Variants in PRTG observed in about 807,000 individuals in gnomAD.
PRTG encodes the protein protogenin, also known as immunoglobulin superfamily, DCC subclass, member 5.
PRTG carries 67 observed loss-of-function variants against 122.5 expected under a neutral mutation model. That is an observed-to-expected ratio of 0.55 (90% CI 0.45 to 0.67). PRTG has a LOEUF of 0.67. Ranked by LOEUF, PRTG falls within the 30% of genes least tolerant of loss-of-function variation. The pLI, the probability that PRTG is intolerant of heterozygous loss-of-function variation, is 0.00. For synonymous variants in PRTG, 554 were observed against 501.1 expected (o/e 1.11, Z -1.41); for missense variants, 1,435 against 1,415.4 (o/e 1.01, Z -0.22).
intron 11 of PRTG, among the ~76,000 whole-genome samples, chr15:55,648,076 T>C (rs975677946): frequency 2.6e-5 from 4 of 152,242 alleles, no homozygotes; most frequent in African/African-American, 9.6e-5. Flanking sequence ...ATCTCTCATC[T>C]GCCAACAAAG....
rs773035192 is a variant in PRTG, at chr15:55,639,817, G to T, written c.2149C>A (p.Arg717Ser). 7 of 1,613,864 alleles carry T rather than the reference G, an allele frequency of 4.3e-6. No individual in the cohort carries two copies. The East Asian group carries it at 1.6e-4, about 36-fold the overall frequency. ...GGTGGTGGTGGAGGAGGGACCATGC[G>T]ATCACGAACAGCTATTGAGAAAAAC... ...STPGCVSVRD[R>S]MVPPPPPPHH... Residue 717 changes from arginine to serine, a missense_variant, in exon 13 of 20, where the codon CGC becomes AGC. By Grantham distance (110) the Arg-to-Ser change is moderately radical. Transcript: ENST00000389286.
intron 6 of PRTG, 96 bp downstream of exon 6, chr15:55,679,958 G>A: frequency 2.2e-6 from 2 of 910,886 alleles, no homozygotes; most frequent in Non-Finnish European, 1.7e-6. Flanking sequence ...TCATATCAAT[G>A]CTACAAAGCT....
At chr15:55,659,905 A>G (rs1238162054) in intron 11 of PRTG, among the ~76,000 whole-genome samples, 10 of 148,414 alleles carry the variant, frequency 6.7e-5, no homozygotes, top group Non-Finnish European at 1.3e-4. Context: ...GGCAACAGAG[A>G]CAGACTTCAA....
chr15:55,677,248 G>A (rs2059507711), intron 8 of PRTG, among the ~76,000 whole-genome samples: 1 of 152,152 alleles, frequency 6.6e-6, no homozygotes, highest in Non-Finnish European at 1.5e-5. Context: ...TTTATATGAT[G>A]AGATAGCAGT....
intron 15 of PRTG, among the ~76,000 whole-genome samples, chr15:55,632,129 ACTTAATCAGCCTCTG>A (rs1195386470): frequency 2.0e-5 from 3 of 152,112 alleles, no homozygotes; most frequent in Admixed American, 6.5e-5. Context: ...TCTCCCATAA[ACTTAATCAGCCTCTG>A]CTTAATCAGC....
At chr15:55,656,162 A>C (rs985608861) in intron 11 of PRTG, 1 of 277,612 alleles carries the variant, frequency 3.6e-6, no homozygotes, top group Non-Finnish European at 7.1e-6. Context: ...AATTTCCAAA[A>C]TTGTCCAATA....
chr15:55,742,903 C>G lies in PRTG; in HGVS notation c.29G>C (p.Arg10Pro). 1 of 1,529,398 alleles carries G rather than the reference C, an allele frequency of 6.5e-7. No homozygotes were observed. The highest frequency in any genetic ancestry group is 1.2e-5 in the South Asian group (1 of 82,994). 94.7% of individuals were successfully genotyped at this position (1,529,398 alleles called of 1,614,324 possible). Reference sequence around the variant, plus strand: ...GAGCAGCATCCCCGGCGGTCGCAGCCGGGCGAGGGGTCGCAGAGGAGGCGC... The same window carrying G: ...GAGCAGCATCCCCGGCGGTCGCAGCGGGGCGAGGGGTCGCAGAGGAGGCGC... MAPPLRPLA[R>P]LRPPGMLLRA... Residue 10 changes from arginine (R) to proline (P), a missense_variant, in exon 1 of 20, where the codon CGG becomes CCG. Coordinates refer to ENST00000389286, the MANE Select transcript of PRTG (RefSeq NM_173814.6).
At chr15:55,620,587 T>C in intron 19 of PRTG, 76 bp downstream of exon 19, 1 of 1,511,472 alleles carries the variant, frequency 6.6e-7, no homozygotes, top group Non-Finnish European at 8.8e-7. Context: ...AAGCATGAAT[T>C]CACATTTTCC....
At chr15:55,639,348 T>A (rs2059276538) in intron 13 of PRTG, among the ~76,000 whole-genome samples, 1 of 152,194 alleles carries the variant, frequency 6.6e-6, no homozygotes, top group African/African-American at 2.4e-5. Context: ...CTCCTTTCTT[T>A]CTTTAAACAT....
At chr15:55,652,832 G>A (rs916830009) in intron 11 of PRTG, among the ~76,000 whole-genome samples, 1 of 151,970 alleles carries the variant, frequency 6.6e-6, no homozygotes, top group African/African-American at 2.4e-5. Context: ...ACCGAGATGA[G>A]GGGAGCAGAT....
intron 2 of PRTG, among the ~76,000 whole-genome samples, chr15:55,693,458 G>C (rs1252885787): frequency 1.6e-5 from 2 of 126,624 alleles, no homozygotes; most frequent in African/African-American, 5.9e-5. Context: ...CTCCGTCTCA[G>C]AAAAAAAAAA....
chr15:55,684,648 C>CA (rs930469058), intron 2 of PRTG, among the ~76,000 whole-genome samples: 3 of 152,098 alleles, frequency 2.0e-5, no homozygotes, highest in Admixed American at 2.0e-4. Context: ...AAAGGAGTCT[C>CA]AAGTCAAAAG....
At chr15:55,710,431 TC>T (rs1555435616) in intron 2 of PRTG, among the ~76,000 whole-genome samples, 1 of 152,140 alleles carries the variant, frequency 6.6e-6, no homozygotes, top group Admixed American at 6.5e-5. Context: ...AGCACTTTCT[TC>T]CCCCCAGGGA....
intron 2 of PRTG, among the ~76,000 whole-genome samples, chr15:55,725,551 G>C (rs542225910): frequency 6.6e-6 from 1 of 151,588 alleles, no homozygotes; most frequent in Non-Finnish European, 1.5e-5. Flanking sequence ...AGCCGTGATC[G>C]TGCTACTGCC....
intron 2 of PRTG, among the ~76,000 whole-genome samples, chr15:55,696,038 G>A (rs1048451270): frequency 6.6e-6 from 1 of 152,150 alleles, no homozygotes; most frequent in African/African-American, 2.4e-5. Context: ...GCTTTTGGGG[G>A]CCAAGGTGGG....
intron 2 of PRTG, among the ~76,000 whole-genome samples, chr15:55,689,901 G>A (rs948804252): frequency 6.0e-5 from 9 of 150,956 alleles, no homozygotes; most frequent in South Asian, 2.1e-4. Context: ...ACACTCCAGC[G>A]TGGGTGACAG....
chr15:55,612,502 G>A lies in PRTG; in HGVS notation c.*7510C>T, dbSNP rs1286263206. 3 of 151,330 alleles carry A rather than the reference G, an allele frequency of 2.0e-5. No homozygotes were observed. Among genetic ancestry groups the A allele is most frequent in the Admixed American group, 6.6e-5 (1 of 15,206 alleles). The allele number at this position is 151,330 out of a possible 1,614,324, so 9.4% of individuals were successfully genotyped here. A position where few individuals can be genotyped will look rare whatever the true frequency, so the allele number is the denominator to read the frequency against. The stretch of plus-strand genomic sequence containing the variant: ...CCCAACAAACCCTACATATGAACTC[G>A]AATAAACCAGAATCAGGTGCCAGTA... On this transcript the variant is annotated 3_prime_UTR_variant, in exon 20 of 20. Coordinates refer to ENST00000389286, the MANE Select transcript of PRTG (RefSeq NM_173814.6).
chr15:55,638,202 T>C (rs2059268475), intron 14 of PRTG, among the ~76,000 whole-genome samples: 1 of 152,156 alleles, frequency 6.6e-6, no homozygotes, highest in Admixed American at 6.5e-5. Context: ...ATAACTTCAT[T>C]ATAACGTTGG....
chr15:55,649,111 A>G (rs1025941293), intron 11 of PRTG, among the ~76,000 whole-genome samples: 1 of 151,966 alleles, frequency 6.6e-6, no homozygotes, highest in African/African-American at 2.4e-5. Flanking sequence ...AAAAAAAACA[A>G]AAACAAAAAA....
Sources: allele counts gnomAD v4.1 joint callset (sites outside exome capture counted in the v4.1 genomes callset), GRCh38; gene constraint gnomAD v4.1.1; transcripts MANE v1.5; gene names NCBI Gene and HGNC (gene_info 2026-07-23, HGNC 2026-07-21).